ZFHX3: variants seen among roughly 807,000 people sequenced by gnomAD.
ZFHX3 encodes zinc finger homeobox 3, also known as zinc finger homeobox protein 3.
In ZFHX3, 42 loss-of-function variants were observed where a neutral mutation model predicts 279.1. That is an observed-to-expected ratio of 0.15 (90% confidence interval 0.12 to 0.19). The LOEUF is 0.19. Among genes scored for constraint, ZFHX3 ranks in the 10% least tolerant of loss-of-function variants. The pLI is 1.00. For missense variants in ZFHX3, 4,981 were observed against 4,754.0 expected, an observed-to-expected ratio of 1.05 and a Z score of -1.40; for synonymous variants, 2,293 against 1,957.8, an observed-to-expected ratio of 1.17 and a Z score of -4.52.
intron 1 of ZFHX3, among the ~76,000 whole-genome samples, chr16:73,770,538 A>G (rs1237538731): frequency 6.6e-6 from 1 of 152,230 alleles, no homozygotes; most frequent in African/African-American, 2.4e-5. Flanking sequence ...AATGTCAAAC[A>G]AAACATTTAG....
At chr16:73,431,485 G>A (rs1211947904) in intron 3 of ZFHX3, among the ~76,000 whole-genome samples, 2 of 152,100 alleles carry the variant, frequency 1.3e-5, no homozygotes, top group African/African-American at 4.8e-5. Context: ...ACGTTGCAGT[G>A]CGCCAAGATC....
At chr16:72,951,904 C>T (rs998251255) in intron 2 of ZFHX3, among the ~76,000 whole-genome samples, 2 of 152,166 alleles carry the variant, frequency 1.3e-5, no homozygotes, top group African/African-American at 4.8e-5. Context: ...ATTTAGGAAG[C>T]TACATGGTGG....
chr16:73,383,328 C>T (rs575236430), intron 3 of ZFHX3, among the ~76,000 whole-genome samples: 4 of 152,302 alleles, frequency 2.6e-5, no homozygotes, highest in South Asian at 2.1e-4. Flanking sequence ...CCCTCCCTCC[C>T]TCTGCAAGGT....
In ZFHX3 at chr16:72,996,134, ACG is replaced by A. The variant is rs1963280236; in HGVS notation, c.-49-35942_-49-35941del. 1.4e-5 allele frequency among the ~76,000 whole-genome samples: 2 copies of A among 143,930 alleles called. 1 individual carries two copies. Among genetic ancestry groups the A allele is most frequent in the Non-Finnish European group, 3.0e-5 (2 of 65,930 alleles). 94.4% of individuals were successfully genotyped at this position (143,930 alleles called of 152,430 possible). A position where few individuals can be genotyped will look rare whatever the true frequency, so the allele number is the denominator to read the frequency against. On this transcript the variant is annotated intron_variant, in intron 1 of 9. Transcript: ENST00000268489. Reference sequence around the variant, plus strand: ...CACACACACACACACACACACACACACGAGCCGGGCATGGTGGCGGGCACCTG... The same window carrying A: ...CACACACACACACACACACACACACAAGCCGGGCATGGTGGCGGGCACCTG...
chr16:73,043,247 A>T (rs1337461399), intron 1 of ZFHX3, among the ~76,000 whole-genome samples: 1 of 151,814 alleles, frequency 6.6e-6, no homozygotes, highest in Non-Finnish European at 1.5e-5. Flanking sequence ...TACACATCAA[A>T]CCCCCCACAC....
intron 5 of ZFHX3, among the ~76,000 whole-genome samples, chr16:72,817,025 G>T (rs1475426884): frequency 6.6e-6 from 1 of 152,164 alleles, no homozygotes; most frequent in African/African-American, 2.4e-5. Context: ...AGTTTTGTTT[G>T]GAATTTGCAA....
intron 3 of ZFHX3, among the ~76,000 whole-genome samples, chr16:73,363,091 G>C (rs1416157182): frequency 6.6e-6 from 1 of 152,174 alleles, no homozygotes; most frequent in Non-Finnish European, 1.5e-5. Flanking sequence ...GACATTGTGT[G>C]AGTCCTGGTG....
chr16:73,292,424 C>A (rs549724996), intron 4 of ZFHX3, among the ~76,000 whole-genome samples: 3 of 152,268 alleles, frequency 2.0e-5, no homozygotes, highest in South Asian at 2.1e-4. Context: ...TAACTTCCAG[C>A]CCAAATCTAG....
intron 3 of ZFHX3, chr16:73,400,010 G>A (rs2017217534): frequency 6.6e-6 from 1 of 151,728 alleles, no homozygotes; most frequent in South Asian, 2.1e-4. Context: ...CAAAACCCAC[G>A]AGCTATCCTG....
chr16:73,325,676 C>T (rs1274592450), intron 3 of ZFHX3, among the ~76,000 whole-genome samples: 2 of 152,050 alleles, frequency 1.3e-5, no homozygotes, highest in South Asian at 2.1e-4. Context: ...AGAAAACATA[C>T]CACTGCTAAT....
intron 1 of ZFHX3, among the ~76,000 whole-genome samples, chr16:73,044,126 G>A (rs1567648030): frequency 7.2e-6 from 1 of 139,506 alleles, no homozygotes; most frequent in Non-Finnish European, 1.5e-5. Flanking sequence ...TATTAAAACT[G>A]GGTTCCCATT....
intron 8 of ZFHX3, among the ~76,000 whole-genome samples, chr16:73,086,583 C>T (rs1185947022): frequency 2.0e-5 from 3 of 152,076 alleles, no homozygotes; most frequent in African/African-American, 4.8e-5. Flanking sequence ...AATGGACTAT[C>T]GTTAGCAATA....
intron 1 of ZFHX3, among the ~76,000 whole-genome samples, chr16:73,003,423 C>G (rs1963569031): frequency 6.6e-6 from 1 of 151,684 alleles, no homozygotes; most frequent in Non-Finnish European, 1.5e-5. Flanking sequence ...CACAATGGCT[C>G]ACACCTATAA....
chr16:73,858,123 AG>A (rs1961787084), intron 1 of ZFHX3, among the ~76,000 whole-genome samples: 1 of 152,000 alleles, frequency 6.6e-6, no homozygotes, highest in Non-Finnish European at 1.5e-5. Flanking sequence ...AAGAAGAAGA[AG>A]AAGTCCCTAA....
intron 3 of ZFHX3, among the ~76,000 whole-genome samples, chr16:73,345,399 A>AC (rs1225183427): frequency 5.0e-5 from 4 of 79,314 alleles, no homozygotes; most frequent in Non-Finnish European, 1.0e-4. Flanking sequence ...CCCCCACCCC[A>AC]CCCCCCGACA....
At chr16:73,220,131 G>T (rs1476543044) in intron 5 of ZFHX3, among the ~76,000 whole-genome samples, 1 of 151,836 alleles carries the variant, frequency 6.6e-6, no homozygotes, top group Non-Finnish European at 1.5e-5. Context: ...AGAAAAATAC[G>T]TTTGGGCATT....
intron 1 of ZFHX3, among the ~76,000 whole-genome samples, chr16:72,998,427 A>G (rs1313653736): frequency 6.6e-6 from 1 of 152,118 alleles, no homozygotes; most frequent in Non-Finnish European, 1.5e-5. Context: ...AATAAGGGGA[A>G]AAAAGAAACA....
chr16:73,087,483 T>C lies in ZFHX3; in HGVS notation c.-533+5752A>G, dbSNP rs376066073. Among the ~76,000 whole-genome samples, 4 of 152,232 alleles carry C rather than the reference T, an allele frequency of 2.6e-5. No homozygotes were observed. In the East Asian group the frequency reaches 7.7e-4, roughly 29 times the overall value. ...ATGTTTTCCCCAAACTGCCATTCTT[T>C]TTGATATAGCCAAGATTTTAAACAT... is the stretch of plus-strand genomic sequence containing the variant. On this transcript the variant is annotated intron_variant, in intron 8 of 17. Transcript: ENST00000641206.
intron 5 of ZFHX3, among the ~76,000 whole-genome samples, chr16:73,196,957 C>T (rs1219546844): frequency 2.0e-5 from 3 of 152,096 alleles, no homozygotes; most frequent in Non-Finnish European, 2.9e-5. Flanking sequence ...CATGGTGACC[C>T]CTAGTGTTTC....
Sources: gnomAD v4.1 joint callset for allele counts (sites outside exome capture counted in the v4.1 genomes callset) on GRCh38, gnomAD v4.1.1 for gene constraint, MANE v1.5 for transcripts, NCBI Gene and HGNC (gene_info 2026-07-23, HGNC 2026-07-21) for gene names.